GAN: variants seen among roughly 807,000 people sequenced by gnomAD.
GAN encodes epididymis secretory sperm binding protein.
Under a neutral mutation model 71.3 loss-of-function variants are expected in GAN, and 48 were observed. The ratio of observed to expected loss-of-function variants is 0.67; its 90% CI spans 0.53 to 0.86. The LOEUF is 0.86. GAN is among the 40% of genes least tolerant of loss of function. GAN has a pLI of 0.00. For missense variants in GAN, 928 were observed against 770.1 expected (o/e 1.21, Z -2.43); for synonymous variants, 386 against 276.8 (o/e 1.39, Z -3.92).
intron 9 of GAN, among the ~76,000 whole-genome samples, chr16:81,369,637 G>A (rs1910972091): frequency 6.6e-6 from 1 of 152,148 alleles, no homozygotes; most frequent in Admixed American, 6.5e-5. Context: ...TGTTGCCCAG[G>A]CTGGAGTGCA....
intron 1 of GAN, among the ~76,000 whole-genome samples, chr16:81,317,967 G>A (rs577094485): frequency 2.6e-5 from 4 of 152,152 alleles, no homozygotes; most frequent in Admixed American, 6.5e-5. Context: ...TGAAGTGATA[G>A]AATGTCTTGG....
chr16:81,356,256 G>A (rs1200430351), intron 3 of GAN, among the ~76,000 whole-genome samples: 1 of 152,054 alleles, frequency 6.6e-6, no homozygotes, highest in Non-Finnish European at 1.5e-5. Context: ...ATTCATATTA[G>A]TCGTCTTAGA....
At chr16:81,365,597 C>G in intron 9 of GAN, 119 bp downstream of exon 9, 2 of 962,142 alleles carry the variant, frequency 2.1e-6, no homozygotes, top group Middle Eastern at 4.2e-4. Context: ...TAGGAGATAA[C>G]GTCTCATGCA....
rs954556092 is a variant in GAN at position 81,383,208 on chromosome 16, A to G, written c.*5612A>G. The G allele has an allele frequency of 7.0e-6, 1 of 142,478 alleles. No individual in the cohort carries two copies. Among genetic ancestry groups the G allele is most frequent in the Admixed American group, 6.9e-5 (1 of 14,424 alleles). The allele number at this position is 142,478 out of a possible 1,614,324, so 8.8% of individuals were successfully genotyped here. Reference sequence around the variant, plus strand: ...CATCAAATAAATAAAACTACATTATATAATTATTTAGTCAGAAATGACTGT... The same window carrying G: ...CATCAAATAAATAAAACTACATTATGTAATTATTTAGTCAGAAATGACTGT... On this transcript the variant is annotated 3_prime_UTR_variant, in exon 11 of 11. Transcript: ENST00000648994.
In GAN at chr16:81,388,221, T is replaced by G. The variant is rs1340780192; in HGVS notation, c.*10625T>G. On this transcript the variant is annotated 3_prime_UTR_variant, in exon 11 of 11. Coordinates refer to ENST00000648994, the MANE Select transcript of GAN (RefSeq NM_022041.4). ...CTGTCCCAACCCTCTTCCAGCCTGG[T>G]TTTTTTACTGCTTGAATTATGTATC... is the stretch of plus-strand genomic sequence containing the variant. 6.7e-6 allele frequency: 1 copy of G among 149,842 alleles called. No individual in the cohort carries two copies. The highest frequency in any genetic ancestry group is 1.5e-5 in the Non-Finnish European group (1 of 68,062). 9.3% of individuals were successfully genotyped at this position (149,842 alleles called of 1,614,324 possible).
At position 81,379,159 on chromosome 16, in the gene GAN, G is replaced by A. The variant is rs1423071289; in HGVS notation, c.*1563G>A. The A allele has an allele frequency of 6.6e-6, 1 of 152,030 alleles. No homozygotes were observed. Among genetic ancestry groups the A allele is most frequent in the South Asian group, 2.1e-4 (1 of 4,826 alleles). 9.4% of individuals were successfully genotyped at this position (152,030 alleles called of 1,614,324 possible). A position where few individuals can be genotyped will look rare whatever the true frequency, so the allele number is the denominator to read the frequency against. ...CAGGAATTTCTTCTAGAAACTTCCTGTATGGAACGTTTATATGCAATTAAC... is the reference window on the plus strand; with the variant it reads ...CAGGAATTTCTTCTAGAAACTTCCTATATGGAACGTTTATATGCAATTAAC... On this transcript the variant is annotated 3_prime_UTR_variant, in exon 11 of 11. Transcript: ENST00000648994.
rs200342055 is a variant in GAN at position 81,365,364 on chromosome 16, C to T, written c.1388C>T (p.Ala463Val). 5.8e-5 allele frequency: 93 copies of T among 1,613,452 alleles called. No homozygotes were observed. Among genetic ancestry groups the T allele is most frequent in the Non-Finnish European group, 7.8e-5 (92 of 1,179,920 alleles). ...TGGCCTTTCAGGTTTGGAGCGGTGG[C>T]CTGTGGAGTTGCTATGGAGCTGTAT... ...PLKERRFGAV[A>V]CGVAMELYVF... The change falls in exon 9 of 11, where the codon GCC becomes GTC. Residue 463 changes from alanine to valine, a missense_variant. Transcript: ENST00000648994.
chr16:81,368,504 G>C (rs900869682), intron 9 of GAN, among the ~76,000 whole-genome samples: 8 of 152,202 alleles, frequency 5.3e-5, no homozygotes, highest in Non-Finnish European at 1.0e-4. Context: ...CTACTTGGAA[G>C]GCTGAGGCAG....
chr16:81,332,671 C>G (rs1221342810), intron 1 of GAN, among the ~76,000 whole-genome samples: 1 of 152,232 alleles, frequency 6.6e-6, no homozygotes, highest in Admixed American at 6.5e-5. Flanking sequence ...GCCATGTCTC[C>G]TTAGTCTCCA....
Position 81,365,097 on chromosome 16 carries a change from C to G in GAN, c.1360C>G (p.Leu454Val), listed in dbSNP as rs1401475932. The change falls in exon 8 of 11, where the codon CTA becomes GTA. Residue 454 changes from leucine (L) to valine (V), a missense_variant. Transcript: ENST00000648994. ...CCAGCAGTGGACTGCCATATGTCCA[C>G]TAAAAGAGAGGAGGTACGTGGCTGT... ...RTQQWTAICP[L>V]KERRFGAVAC... 7.4e-6 allele frequency: 12 copies of G among 1,613,856 alleles called. No individual in the cohort carries two copies. The highest frequency in any genetic ancestry group is 6.7e-5 in the Admixed American group (4 of 59,998).
chr16:81,315,727 C>T (rs1436814107), intron 1 of GAN, among the ~76,000 whole-genome samples: 1 of 152,242 alleles, frequency 6.6e-6, no homozygotes, highest in East Asian at 1.9e-4. Flanking sequence ...TGAAGTTCGC[C>T]AGTCGCTCGC....
At chr16:81,335,957 C>T (rs1260638281) in intron 1 of GAN, among the ~76,000 whole-genome samples, 1 of 152,126 alleles carries the variant, frequency 6.6e-6, no homozygotes, top group South Asian at 2.1e-4. Flanking sequence ...GGTTCCTGCC[C>T]TTCCCCTGCC....
At chr16:81,315,366 C>T in intron 1 of GAN, 86 bp downstream of exon 1, 2 of 903,450 alleles carry the variant, frequency 2.2e-6, no homozygotes, top group Non-Finnish European at 2.9e-6. Context: ...GCCCCCAGAC[C>T]CTGTCCCCTG....
At chr16:81,331,296 G>T (rs1208832386) in intron 1 of GAN, among the ~76,000 whole-genome samples, 2 of 152,216 alleles carry the variant, frequency 1.3e-5, no homozygotes, top group African/African-American at 4.8e-5. Flanking sequence ...GACAAGGAAG[G>T]AAGGACAAAC....
Position 81,385,963 on chromosome 16 carries a change from C to G in GAN, c.*8367C>G, listed in dbSNP as rs538557059. 91 of 152,190 alleles carry G rather than the reference C, an allele frequency of 6.0e-4. No homozygotes were observed. Among genetic ancestry groups the G allele is most frequent in the African/African-American group, 2.1e-3 (87 of 41,502 alleles). The allele number at this position is 152,190 out of a possible 1,614,324, so 9.4% of individuals were successfully genotyped here. ...GTGTGGTTTCACCATATTGCCCAGGCTGGTCTCGAGCTCCTGAGCTCAGGC... is the reference window on the plus strand; with the variant it reads ...GTGTGGTTTCACCATATTGCCCAGGGTGGTCTCGAGCTCCTGAGCTCAGGC... On this transcript the variant is annotated 3_prime_UTR_variant, in exon 11 of 11. Transcript: ENST00000648994.
In GAN at chr16:81,384,358, TCTC is replaced by T. The variant is rs1483619579; in HGVS notation, c.*6765_*6767del. 2.0e-5 allele frequency: 3 copies of T among 151,742 alleles called. No individual in the cohort carries two copies. The highest frequency in any genetic ancestry group is 6.6e-5 in the Admixed American group (1 of 15,238). 9.4% of individuals were successfully genotyped at this position (151,742 alleles called of 1,614,324 possible). ...ACTTACAACCAGGAGGAATAATAAT[TCTC>T]CTAGAGTTGCTGCAAACTGATTACT... On this transcript the variant is annotated 3_prime_UTR_variant, in exon 11 of 11. Coordinates refer to ENST00000648994, the MANE Select transcript of GAN (RefSeq NM_022041.4).
rs534902707 is a variant in GAN at position 81,387,339 on chromosome 16, C to G, written c.*9743C>G. The stretch of plus-strand genomic sequence containing the variant: ...GCCCTAGGGGAGGTTGGCACGGCAA[C>G]CTTCCCACTCCGTAGGTGGGTAGCC... On this transcript the variant is annotated 3_prime_UTR_variant, in exon 11 of 11. Transcript: ENST00000648994. 1 of 152,054 alleles carries G rather than the reference C, an allele frequency of 6.6e-6. No individual in the cohort carries two copies. The highest frequency in any genetic ancestry group is 2.4e-5 in the African/African-American group (1 of 41,406). 9.4% of individuals were successfully genotyped at this position (152,054 alleles called of 1,614,324 possible). A position where few individuals can be genotyped will look rare whatever the true frequency, so the allele number is the denominator to read the frequency against.
intron 1 of GAN, among the ~76,000 whole-genome samples, chr16:81,344,640 C>T (rs912170167): frequency 6.6e-5 from 10 of 152,076 alleles, no homozygotes; most frequent in Non-Finnish European, 1.3e-4. Flanking sequence ...AACATAAGAC[C>T]TAGGACCATA....
chr16:81,343,512 A>G (rs974998152), intron 1 of GAN, among the ~76,000 whole-genome samples: 5 of 152,218 alleles, frequency 3.3e-5, no homozygotes, highest in African/African-American at 2.4e-5. Flanking sequence ...ACCAACGACA[A>G]AAACCACATG....
Sources: allele counts gnomAD v4.1 joint callset (sites outside exome capture counted in the v4.1 genomes callset), GRCh38; gene constraint gnomAD v4.1.1; transcripts MANE v1.5; gene names NCBI Gene and HGNC (gene_info 2026-07-23, HGNC 2026-07-21).